FABP12: variants seen among roughly 807,000 people sequenced by gnomAD.
The protein encoded by FABP12 is fatty acid binding protein 12.
Under a neutral mutation model 13.7 loss-of-function variants are expected in FABP12, and 19 were observed. The observed-to-expected ratio is 1.39, with a 90% CI of 0.97 to 2.04. The LOEUF (loss-of-function observed/expected upper bound fraction) is 2.04. FABP12 is among the 30% of genes most tolerant of loss of function. FABP12 has a pLI of 0.00. For synonymous variants in FABP12, 61 were observed against 57.0 expected (o/e 1.07, Z -0.32); for missense variants, 182 against 164.2 (o/e 1.11, Z -0.59).
At chr8:81,559,654 T>A (rs1481902923) in intron 1 of FABP12, among the ~76,000 whole-genome samples, 1 of 152,146 alleles carries the variant, frequency 6.6e-6, no homozygotes, top group Non-Finnish European at 1.5e-5. Flanking sequence ...AAAGGATGAG[T>A]CTTCCCCAGT....
At chr8:81,575,993 A>G (rs759434078) in intron 1 of FABP12, among the ~76,000 whole-genome samples, 1 of 152,238 alleles carries the variant, frequency 6.6e-6, no homozygotes, top group African/African-American at 2.4e-5. Flanking sequence ...CCGCTGTTCT[A>G]TATAGCTAAT....
intron 1 of FABP12, among the ~76,000 whole-genome samples, chr8:81,565,064 G>A (rs912975074): frequency 5.3e-5 from 8 of 151,246 alleles, no homozygotes; most frequent in African/African-American, 1.9e-4. Flanking sequence ...TAGATTTCAA[G>A]AAAAAAAACT....
intron 1 of FABP12, among the ~76,000 whole-genome samples, chr8:81,570,752 C>T (rs1563555707): frequency 6.6e-6 from 1 of 152,188 alleles, no homozygotes; most frequent in Non-Finnish European, 1.5e-5. Context: ...TCTCAGTCCT[C>T]TGCTGTGCTC....
At chr8:81,525,647 C>T (rs528850905) in intron 4 of FABP12, among the ~76,000 whole-genome samples, 34 of 151,406 alleles carry the variant, frequency 2.2e-4, no homozygotes, top group African/African-American at 8.3e-4. Flanking sequence ...CTATGTATGG[C>T]GAATCACATA....
chr8:81,589,341 G>A (rs992036050), intron 1 of FABP12, among the ~76,000 whole-genome samples: 1 of 152,144 alleles, frequency 6.6e-6, no homozygotes, highest in Non-Finnish European at 1.5e-5. Context: ...AGGACTGCTT[G>A]AGCCTAGGAG....
intron 1 of FABP12, among the ~76,000 whole-genome samples, chr8:81,565,503 G>C (rs1809804173): frequency 6.6e-6 from 1 of 151,820 alleles, no homozygotes; most frequent in Non-Finnish European, 1.5e-5. Flanking sequence ...TGACCACAAT[G>C]GAATAAATAA....
intron 1 of FABP12, among the ~76,000 whole-genome samples, chr8:81,574,989 G>A (rs765269830): frequency 4.0e-5 from 6 of 150,620 alleles, no homozygotes; most frequent in Non-Finnish European, 7.4e-5. Flanking sequence ...TTTTTCTGCT[G>A]GGTTTGGGTT....
intron 1 of FABP12, among the ~76,000 whole-genome samples, chr8:81,541,832 G>T (rs1196818632): frequency 8.1e-6 from 1 of 123,328 alleles, no homozygotes; most frequent in African/African-American, 3.4e-5. Flanking sequence ...GAAGTATCCA[G>T]AAATAGGACA....
At chr8:81,582,079 T>C (rs1287504528) in intron 1 of FABP12, among the ~76,000 whole-genome samples, 1 of 150,166 alleles carries the variant, frequency 6.7e-6, no homozygotes, top group Non-Finnish European at 1.5e-5. Context: ...TGTTAATAGG[T>C]TAAATTTCCA....
At chr8:81,540,590 G>C (rs2129985148) in intron 1 of FABP12, among the ~76,000 whole-genome samples, 1 of 152,272 alleles carries the variant, frequency 6.6e-6, no homozygotes, top group Middle Eastern at 3.4e-3. Flanking sequence ...AGGAAAACCT[G>C]GGAAATTGTC....
chr8:81,537,873 C>CT (rs1037582305), upstream of FABP12, among the ~76,000 whole-genome samples: 3 of 152,148 alleles, frequency 2.0e-5, no homozygotes, highest in East Asian at 5.8e-4. Context: ...CACAGTTCAA[C>CT]TTTTTTTTAA....
chr8:81,532,431 C>T (rs773494913), intron 1 of FABP12, among the ~76,000 whole-genome samples: 1 of 152,172 alleles, frequency 6.6e-6, no homozygotes, highest in Non-Finnish European at 1.5e-5. Flanking sequence ...GATAATTATT[C>T]AACTAACATT....
At position 81,529,630 on chromosome 8, in the gene FABP12, A is replaced by G. The variant is rs1809009481; in HGVS notation, c.74-20T>C. On this transcript the variant is annotated intron_variant, in intron 2 of 4. Coordinates refer to ENST00000360464, the Ensembl canonical transcript of FABP12. Reference sequence around the variant, plus strand: ...CTATACCTGGAAACCAGATAAAAGGAGTATTATCTTTTTGCATAAAGAATT... The same window carrying G: ...CTATACCTGGAAACCAGATAAAAGGGGTATTATCTTTTTGCATAAAGAATT... 6.3e-7 allele frequency: 1 copy of G among 1,597,026 alleles called. No individual in the cohort carries two copies.
At chr8:81,568,246 C>A (rs560964894) in intron 1 of FABP12, among the ~76,000 whole-genome samples, 1 of 151,674 alleles carries the variant, frequency 6.6e-6, no homozygotes, top group Non-Finnish European at 1.5e-5. Flanking sequence ...GATTAATAAC[C>A]AGAATATAGA....
chr8:81,583,956 A>G (rs1242858511), intron 1 of FABP12, among the ~76,000 whole-genome samples: 1 of 152,198 alleles, frequency 6.6e-6, no homozygotes, highest in Non-Finnish European at 1.5e-5. Context: ...AATATTATCA[A>G]ACTGTGTCCA....
intron 1 of FABP12, among the ~76,000 whole-genome samples, chr8:81,566,536 A>G (rs143727284): frequency 1.3e-5 from 2 of 152,238 alleles, no homozygotes; most frequent in Admixed American, 6.5e-5. Context: ...TCAGTGTGGT[A>G]CATCCTATCA....
At chr8:81,568,131 A>T (rs1388602547) in intron 1 of FABP12, among the ~76,000 whole-genome samples, 1 of 148,708 alleles carries the variant, frequency 6.7e-6, no homozygotes, top group Non-Finnish European at 1.5e-5. Context: ...CTCCGTCTCA[A>T]AAAAAAAAAA....
In FABP12 at chr8:81,529,425, T is replaced by TC; in HGVS notation, c.246+12dup. 6.2e-7 allele frequency: 1 copy of TC among 1,612,964 alleles called. No homozygotes were observed. Among genetic ancestry groups the TC allele is most frequent in the Non-Finnish European group, 8.5e-7 (1 of 1,178,946 alleles). On this transcript the variant is annotated intron_variant, in intron 3 of 4. Coordinates refer to ENST00000360464, the Ensembl canonical transcript of FABP12. Reference sequence around the variant, plus strand: ...CTTTTGAAATGTGTCTGAAAGACTGTCGTAGGCCTCACCTTTGTTTTGTGG... The same window carrying TC: ...CTTTTGAAATGTGTCTGAAAGACTGTCCGTAGGCCTCACCTTTGTTTTGTGG...
intron 2 of FABP12, 21 bp downstream of exon 2, chr8:81,531,222 A>C: frequency 6.4e-7 from 1 of 1,567,006 alleles, no homozygotes; most frequent in Non-Finnish European, 8.8e-7. Flanking sequence ...TGGATATGAT[A>C]TGCAAGTAAA....
Sources: gnomAD v4.1 joint callset for allele counts (sites outside exome capture counted in the v4.1 genomes callset) on GRCh38, gnomAD v4.1.1 for gene constraint, MANE v1.5 for transcripts, NCBI Gene and HGNC (gene_info 2026-07-23, HGNC 2026-07-21) for gene names.